The following FRMPD4 variants were observed in gnomAD, a reference collection of about 807,000 sequenced individuals.
The protein encoded by FRMPD4 is FERM and PDZ domain containing 4.
In FRMPD4, 22 loss-of-function variants were observed where a neutral mutation model predicts 94.1. The observed-to-expected ratio is 0.23, with a 90% CI of 0.17 to 0.33. FRMPD4 has a LOEUF of 0.33. Ranked by LOEUF, FRMPD4 falls within the 10% of genes least tolerant of loss-of-function variation. FRMPD4 has a pLI of 1.00. For synonymous variants in FRMPD4, 631 were observed against 548.6 expected, an observed-to-expected ratio of 1.15 and a Z score of -2.10; for missense variants, 1,111 against 1,339.9, an observed-to-expected ratio of 0.83 and a Z score of 2.67.
At chrX:11,930,803 G>C (rs1601844823) in intron 3 of FRMPD4, among the ~76,000 whole-genome samples, 2 of 111,472 alleles carry the variant, frequency 1.8e-5, no homozygotes, top group Middle Eastern at 9.2e-3. Flanking sequence ...ATCTGATATG[G>C]TCTGCTTTGG....
intron 4 of FRMPD4, among the ~76,000 whole-genome samples, chrX:12,639,511 G>T (rs2059474167): frequency 8.9e-6 from 1 of 111,953 alleles, no homozygotes; most frequent in African/African-American, 3.2e-5. Flanking sequence ...AAAGTGAATA[G>T]CAGGCCACTT....
rs1297429216 is a variant in FRMPD4 at position 12,583,998 on chromosome X, G to A, written c.159-25723G>A. Among the ~76,000 whole-genome samples the A allele has an allele frequency of 1.6e-4, 18 of 111,779 alleles. No homozygotes were observed. In the Admixed American group the frequency reaches 1.7e-3, roughly 11 times the overall value. ...TCGGCCCTAAGGAGCAGGACCCGCG[G>A]CTCCACTTTGCTGGCAACCTGGGCA... On this transcript the variant is annotated intron_variant, in intron 2 of 16. Transcript: ENST00000675598.
intron 3 of FRMPD4, among the ~76,000 whole-genome samples, chrX:12,081,650 T>A (rs901091840): frequency 8.9e-6 from 1 of 111,798 alleles, no homozygotes; most frequent in Non-Finnish European, 1.9e-5. Flanking sequence ...TCTTTTGGTA[T>A]GATTTTAGAT....
intron 1 of FRMPD4, among the ~76,000 whole-genome samples, chrX:12,166,121 C>T (rs1200386411): frequency 1.8e-5 from 2 of 111,779 alleles, no homozygotes; most frequent in Non-Finnish European, 3.8e-5. Context: ...GCATCCCTGT[C>T]TTGTGCCAGT....
At chrX:12,025,590 C>T (rs1310521288) in intron 3 of FRMPD4, among the ~76,000 whole-genome samples, 2 of 111,610 alleles carry the variant, frequency 1.8e-5, no homozygotes, top group East Asian at 5.6e-4. Context: ...GATGCCACTT[C>T]CAAGATTAGG....
At chrX:12,082,419 G>T (rs1186300201) in intron 3 of FRMPD4, among the ~76,000 whole-genome samples, 1 of 111,917 alleles carries the variant, frequency 8.9e-6, no homozygotes, top group African/African-American at 3.3e-5. Flanking sequence ...CCATGATTCT[G>T]AGGCCTCCCC....
intron 3 of FRMPD4, among the ~76,000 whole-genome samples, chrX:12,053,422 GAAAGAAAGAGAAAGAA>G (rs1569149841): frequency 1.0e-3 from 95 of 92,077 alleles, no homozygotes; most frequent in East Asian, 1.8e-3. Flanking sequence ...AAGAAAGAAA[GAAAGAAAGAGAAAGAA>G]AGAAGAGAAG....
intron 2 of FRMPD4, among the ~76,000 whole-genome samples, chrX:12,528,080 T>C (rs754570016): frequency 1.7e-4 from 19 of 112,102 alleles, no homozygotes; most frequent in Non-Finnish European, 3.0e-4. Flanking sequence ...TTAAGGAGCA[T>C]AAATTTGTTC....
chrX:12,202,138 G>A (rs1313709941), intron 1 of FRMPD4, among the ~76,000 whole-genome samples: 1 of 110,858 alleles, frequency 9.0e-6, no homozygotes, highest in African/African-American at 3.3e-5. Context: ...AGAGCAGTTG[G>A]CCCACACATA....
In FRMPD4 at chrX:12,231,119, G is replaced by A. The variant is rs1350072146; in HGVS notation, c.41+92107G>A. On this transcript the variant is annotated intron_variant, in intron 1 of 16. Coordinates refer to ENST00000675598, the MANE Select transcript of FRMPD4 (RefSeq NM_001368397.1). ...GGCTGGAGTGCAGTGGTATGGTCAC[G>A]GCTCACTGCAGACTCGACCTGCCGG... Among the ~76,000 whole-genome samples, 5 of 82,108 alleles carry A rather than the reference G, an allele frequency of 6.1e-5. No homozygotes were observed. In the East Asian group the frequency reaches 1.1e-3, roughly 18 times the overall value. 71.3% of individuals were successfully genotyped at this position (82,108 alleles called of 115,157 possible).
chrX:12,609,597 TC>T (rs922940904), intron 2 of FRMPD4, 123 bp from the exon 3 acceptor site: 6 of 563,618 alleles, frequency 1.1e-5, no homozygotes, highest in Non-Finnish European at 1.7e-5. Flanking sequence ...ACTATGGGTC[TC>T]CCCAGATCTT....
At chrX:12,612,184 T>C (rs1300052707) in intron 3 of FRMPD4, among the ~76,000 whole-genome samples, 1 of 111,870 alleles carries the variant, frequency 8.9e-6, no homozygotes. Context: ...GATTATGAGA[T>C]TCTCCGAAGT....
intron 3 of FRMPD4, among the ~76,000 whole-genome samples, chrX:12,040,056 G>T (rs1400762484): frequency 9.0e-6 from 1 of 110,965 alleles, no homozygotes; most frequent in African/African-American, 3.3e-5. Context: ...ATTAGGTCAG[G>T]TTGGTAGATA....
intron 1 of FRMPD4, among the ~76,000 whole-genome samples, chrX:12,234,106 G>A (rs1050021287): frequency 9.0e-6 from 1 of 111,443 alleles, no homozygotes; most frequent in Non-Finnish European, 1.9e-5. Context: ...AGCAAAAATG[G>A]ACTGGTAAGC....
intron 1 of FRMPD4, among the ~76,000 whole-genome samples, chrX:12,212,274 A>G (rs1263320630): frequency 8.9e-6 from 1 of 111,833 alleles, no homozygotes; most frequent in African/African-American, 3.2e-5. Context: ...TGGCCTGTCA[A>G]TTGTAGTTTA....
intron 4 of FRMPD4, among the ~76,000 whole-genome samples, chrX:12,651,339 AT>A (rs5901482): frequency 0.37 from 30,803 of 83,899 alleles, 4,297 homozygotes; most frequent in Non-Finnish European, 0.44. Flanking sequence ...ACCCACTAGG[AT>A]TTTTTTTTTT....
chrX:11,991,977 G>C (rs2054467259), intron 3 of FRMPD4, among the ~76,000 whole-genome samples: 1 of 111,660 alleles, frequency 9.0e-6, no homozygotes, highest in African/African-American at 3.3e-5. Flanking sequence ...TTGCATTGAA[G>C]TTTTATTGCA....
intron 1 of FRMPD4, among the ~76,000 whole-genome samples, chrX:12,425,160 T>G (rs762844423): frequency 2.7e-5 from 3 of 112,621 alleles, no homozygotes; most frequent in Non-Finnish European, 3.7e-5. Context: ...CGTGCTTAAT[T>G]TTTTTTCTGT....
chrX:12,417,196 G>A (rs2056814056), intron 1 of FRMPD4, among the ~76,000 whole-genome samples: 1 of 111,008 alleles, frequency 9.0e-6, no homozygotes, highest in African/African-American at 3.3e-5. Context: ...CACCATACTG[G>A]ACACAGTTAC....
Sources: allele counts gnomAD v4.1 joint callset (sites outside exome capture counted in the v4.1 genomes callset), GRCh38; gene constraint gnomAD v4.1.1; transcripts MANE v1.5; gene names NCBI Gene and HGNC (gene_info 2026-07-23, HGNC 2026-07-21).